PRPF8: variants seen among roughly 807,000 people sequenced by gnomAD.
PRPF8 encodes the protein pre-mRNA-processing-splicing factor 8.
PRPF8 carries 64 observed loss-of-function variants against 285.9 expected under a neutral mutation model. That is an observed-to-expected ratio of 0.22 (90% CI 0.18 to 0.28). The LOEUF (loss-of-function observed/expected upper bound fraction) is 0.28. Among genes scored for constraint, PRPF8 ranks in the 10% least tolerant of loss-of-function variants. The pLI, the probability that PRPF8 is intolerant of heterozygous loss-of-function variation, is 1.00. For missense variants in PRPF8, 1,426 were observed against 3,026.7 expected (o/e 0.47, Z 12.41); for synonymous variants, 1,325 against 1,118.2 (o/e 1.18, Z -3.69).
intron 30 of PRPF8, among the ~76,000 whole-genome samples, 187 bp downstream of exon 30, chr17:1,660,245 C>T (rs933861507): frequency 6.6e-6 from 1 of 150,484 alleles, no homozygotes; most frequent in African/African-American, 2.5e-5. Context: ...GTACAGCACC[C>T]TCTCCCTGCG....
rs1912787437 is a variant in PRPF8, at chr17:1,679,457, A to G, written c.1290-47T>C. ...AGTTTGGCCATCTCTTCTTCCAGAC[A>G]CTCTGCTAAAGGCTGCAAGCCTTGG... On this transcript the variant is annotated intron_variant, in intron 9 of 42. Coordinates refer to ENST00000304992, the MANE Select transcript of PRPF8 (RefSeq NM_006445.4). The surrounding 1 kb of genome is among the most constrained non-coding windows in gnomAD (Gnocchi z 4.7). 1.9e-6 allele frequency: 3 copies of G among 1,610,870 alleles called. No individual in the cohort carries two copies. Among genetic ancestry groups the G allele is most frequent in the Non-Finnish European group, 2.5e-6 (3 of 1,179,770 alleles).
At position 1,678,438 on chromosome 17, in the gene PRPF8, G is replaced by A. The variant is rs972345886; in HGVS notation, c.1854+80C>T. 4.2e-5 allele frequency: 67 copies of A among 1,579,030 alleles called. No homozygotes were observed. The African/African-American group carries it at 4.6e-4, about 11-fold the overall frequency. On this transcript the variant is annotated intron_variant, in intron 13 of 42. Transcript: ENST00000304992. The stretch of plus-strand genomic sequence containing the variant: ...GCGGAGGTTGCAGTGAGCCAAGATC[G>A]TGCCATTGCACACCAGCCCAAGAGA...
intron 8 of PRPF8, 91 bp downstream of exon 8, chr17:1,680,635 A>T (rs894859617): frequency 4.2e-6 from 5 of 1,186,076 alleles, no homozygotes; most frequent in South Asian, 1.2e-5. Flanking sequence ...CGGAAAACAC[A>T]TCTCCCTCCA....
rs777397404 is a variant in PRPF8 at position 1,650,740 on chromosome 17, G to A, written c.*62C>T. ...AGAGGCCAAACTGCTGAATGTCAGC[G>A]GCCTGTCTGGAGGGGCTGAGGCTTC... On this transcript the variant is annotated 3_prime_UTR_variant, in exon 43 of 43. Coordinates refer to ENST00000304992, the MANE Select transcript of PRPF8 (RefSeq NM_006445.4). 1.3e-5 allele frequency: 20 copies of A among 1,593,796 alleles called. No homozygotes were observed. Among genetic ancestry groups the A allele is most frequent in the East Asian group, 2.2e-5 (1 of 44,788 alleles).
intron 7 of PRPF8, 42 bp downstream of exon 7, chr17:1,680,887 G>A: frequency 1.9e-6 from 3 of 1,614,156 alleles, no homozygotes; most frequent in Non-Finnish European, 1.7e-6. Flanking sequence ...AACCTAAACA[G>A]CAGCCTTCTC....
At position 1,659,585 on chromosome 17, in the gene PRPF8, T is replaced by A; in HGVS notation, c.4947-37A>T. Reference sequence around the variant, plus strand: ...GAGGGTTCAAGCTTCTAAGAAACCATGGGCATAACCAATGTCCCCAGAACC... The same window carrying A: ...GAGGGTTCAAGCTTCTAAGAAACCAAGGGCATAACCAATGTCCCCAGAACC... On this transcript the variant is annotated intron_variant, in intron 31 of 42. Coordinates refer to ENST00000304992, the MANE Select transcript of PRPF8 (RefSeq NM_006445.4). This position sits in a 1 kb window ranked among gnomAD's most constrained non-coding sequence, Gnocchi z 5.1. 6.2e-7 allele frequency: 1 copy of A among 1,609,060 alleles called. No homozygotes were observed.
chr17:1,678,869 AT>A lies in PRPF8; in HGVS notation c.1611del (p.Lys537AsnfsTer17). The A allele has an allele frequency of 6.2e-7, 1 of 1,614,112 alleles. No individual in the cohort carries two copies. Among genetic ancestry groups the A allele is most frequent in the Non-Finnish European group, 8.5e-7 (1 of 1,180,008 alleles). On this transcript the variant is annotated frameshift_variant, in exon 12 of 43. Transcript: ENST00000304992. LOFTEE classifies it high-confidence loss of function. ...AGGTGGAAAGCATTCCCAAAACGAG[AT>A]TTCTTTCTTTCCTGGAGAAGATGCA... ...VKTLTTKERK[K>X]SRFGNAFHLC... is the part of the protein sequence containing the mutation.
intron 29 of PRPF8, 30 bp downstream of exon 29, chr17:1,660,668 C>A: frequency 6.2e-7 from 1 of 1,614,192 alleles, no homozygotes; most frequent in Middle Eastern, 1.6e-4. Context: ...CTGTCTTTAG[C>A]TTCCCCTCTC....
chr17:1,673,446 A>T lies in PRPF8; in HGVS notation c.3568T>A (p.Cys1190Ser), dbSNP rs778213468. The stretch of plus-strand genomic sequence containing the variant: ...GGCAGGATGCGGCACTCGAAGCCAC[A>T]CATGTTGAACAGCAGGTTGGGGTTG... ...KDNPNLLFNM[C>S]GFECRILPKC... The change falls in exon 23 of 43, where the codon TGT becomes AGT. Residue 1190 changes from cysteine to serine, a missense_variant. Cys to Ser is a moderately radical substitution (Grantham distance 112). This residue lies in a region of PRPF8 where 148 missense variants were observed against 196.2 expected (regional missense o/e 0.75). Coordinates refer to ENST00000304992, the MANE Select transcript of PRPF8 (RefSeq NM_006445.4). This position sits in a 1 kb window ranked among gnomAD's most constrained non-coding sequence, Gnocchi z 5.5. 2.5e-6 allele frequency: 4 copies of T among 1,614,032 alleles called. No individual in the cohort carries two copies. The African/African-American group carries it at 5.3e-5, about 22-fold the overall frequency.
At position 1,679,424 on chromosome 17, in the gene PRPF8, C is replaced by T. The variant is rs759345933; in HGVS notation, c.1290-14G>A. ...TGCTCCCGATACCTGGAAAAATAAG[C>T]CCACCAGAGTTTGGCCATCTCTTCT... On this transcript the variant is annotated splice_polypyrimidine_tract_variant and intron_variant, in intron 9 of 42. Transcript: ENST00000304992. This position sits in a 1 kb window ranked among gnomAD's most constrained non-coding sequence, Gnocchi z 4.7. 22 of 1,612,150 alleles carry T rather than the reference C, an allele frequency of 1.4e-5. No individual in the cohort carries two copies. The African/African-American group carries it at 2.7e-4, about 20-fold the overall frequency.
chr17:1,680,777 A>C lies in PRPF8; in HGVS notation c.1047T>G (p.Ala349=). The C allele has an allele frequency of 1.2e-6, 2 of 1,614,154 alleles. No homozygotes were observed. The highest frequency in any genetic ancestry group is 1.3e-5 in the African/African-American group (1 of 75,054). Residue 349 remains alanine (A), a synonymous_variant, in exon 8 of 43, where the codon GCT becomes GCG. Transcript: ENST00000304992. ...GGTTGATCAAAGGGTCAAAGTAGAA[A>C]GCTGGCAAGTCAGGATCCTCAGTTT... ...FIKTEDPDLP[A]FYFDPLINPI...
intron 6 of PRPF8, 76 bp downstream of exon 6, chr17:1,681,402 A>C: frequency 6.9e-7 from 1 of 1,448,118 alleles, no homozygotes; most frequent in African/African-American, 1.4e-5. Context: ...TTTGGAAGTT[A>C]TATCAGGACT....
chr17:1,678,504 A>G lies in PRPF8; in HGVS notation c.1854+14T>C, dbSNP rs1325572547. The G allele has an allele frequency of 1.2e-6, 2 of 1,614,034 alleles. No individual in the cohort carries two copies. The highest frequency in any genetic ancestry group is 2.7e-5 in the African/African-American group (2 of 74,918). ...GTCTCAAAAAAAAGAAAGTCAGTAAAGTCAAGGTCTCACCGTGTTGAAACG... is the reference window on the plus strand; with the variant it reads ...GTCTCAAAAAAAAGAAAGTCAGTAAGGTCAAGGTCTCACCGTGTTGAAACG... On this transcript the variant is annotated intron_variant, in intron 13 of 42. Coordinates refer to ENST00000304992, the MANE Select transcript of PRPF8 (RefSeq NM_006445.4).
chr17:1,661,507 C>T lies in PRPF8; in HGVS notation c.4203-101G>A. On this transcript the variant is annotated intron_variant, in intron 26 of 42. Transcript: ENST00000304992. This position sits in a 1 kb window ranked among gnomAD's most constrained non-coding sequence, Gnocchi z 7.3. The stretch of plus-strand genomic sequence containing the variant: ...AATTAGGGTCAGTAGAACCAGCCTT[C>T]TCACCTCCATACAACCATGGCATGC... 6.2e-7 allele frequency: 1 copy of T among 1,608,514 alleles called. No homozygotes were observed. Among genetic ancestry groups the T allele is most frequent in the South Asian group, 1.1e-5 (1 of 90,924 alleles).
chr17:1,682,017 G>A lies in PRPF8; in HGVS notation c.456C>T (p.Arg152=), dbSNP rs1912956987. ...AATGCCTCCTATCTCTTTTTTCTCG[G>A]CGCATCATAATCCACATTGACCTGG... is the stretch of plus-strand genomic sequence containing the variant. ...SQWGSMWIMM[R]REKRDRRHFK... The change falls in exon 5 of 43, where the codon CGC becomes CGT. Residue 152 remains arginine, a synonymous_variant. Transcript: ENST00000304992. 1.9e-6 allele frequency: 3 copies of A among 1,613,818 alleles called. No individual in the cohort carries two copies. Among genetic ancestry groups the A allele is most frequent in the East Asian group, 2.2e-5 (1 of 44,880 alleles).
At chr17:1,656,060 A>G (rs981567880) in intron 36 of PRPF8, among the ~76,000 whole-genome samples, 19 of 151,776 alleles carry the variant, frequency 1.3e-4, no homozygotes, top group Middle Eastern at 3.4e-3. Context: ...AGCTGGGACT[A>G]CAGGTGCATC....
rs376155473 is a variant in PRPF8 at position 1,659,263 on chromosome 17, C to A, written c.5138+94G>T. On this transcript the variant is annotated intron_variant, in intron 32 of 42. Transcript: ENST00000304992. This position sits in a 1 kb window ranked among gnomAD's most constrained non-coding sequence, Gnocchi z 5.1. ...CTGGTCTCAAACTCCTGAGCTCAGA[C>A]AATCTGCCCACCGCGGCCTCCCAAA... The A allele has an allele frequency of 7.1e-7, 1 of 1,408,234 alleles. No individual in the cohort carries two copies. The highest frequency in any genetic ancestry group is 1.0e-6 in the Non-Finnish European group (1 of 998,780). 87.2% of individuals were successfully genotyped at this position (1,408,234 alleles called of 1,614,324 possible). A position where few individuals can be genotyped will look rare whatever the true frequency, so the allele number is the denominator to read the frequency against.
At chr17:1,660,644 G>T in intron 29 of PRPF8, 54 bp downstream of exon 29, 1 of 1,614,166 alleles carries the variant, frequency 6.2e-7, no homozygotes, top group Middle Eastern at 1.6e-4. Context: ...CATAACCAAG[G>T]CAAGAAGCAG....
Position 1,658,223 on chromosome 17 carries a change from T to C in PRPF8, c.5505+30A>G. 1 of 1,613,904 alleles carries C rather than the reference T, an allele frequency of 6.2e-7. No homozygotes were observed. Among genetic ancestry groups the C allele is most frequent in the Non-Finnish European group, 8.5e-7 (1 of 1,180,012 alleles). ...CCAAGAATAAGAGGCAACATGGTTC[T>C]ACAGCCTCTTCATCTTTAAACCTGC... On this transcript the variant is annotated intron_variant, in intron 34 of 42. Transcript: ENST00000304992. The surrounding 1 kb of genome is among the most constrained non-coding windows in gnomAD (Gnocchi z 4.1).
Sources: gnomAD v4.1 joint callset for allele counts (sites outside exome capture counted in the v4.1 genomes callset) on GRCh38, gnomAD v4.1.1 for gene constraint, gnomAD v4.1.1 regional missense constraint, Gnocchi (gnomAD v3.1) non-coding constraint, MANE v1.5 for transcripts, NCBI Gene and HGNC (gene_info 2026-07-23, HGNC 2026-07-21) for gene names.